SLC27A2: variants seen among roughly 807,000 people sequenced by gnomAD.
SLC27A2 encodes the protein long-chain fatty acid transport protein 2.
A neutral mutation model predicts 60.0 loss-of-function variants in SLC27A2; 54 were observed. The observed-to-expected ratio is 0.90, with a 90% CI of 0.72 to 1.13. SLC27A2 has a LOEUF of 1.13. Among genes scored for constraint, SLC27A2 ranks in the 50% most tolerant of loss-of-function variants. The probability of loss-of-function intolerance (pLI) is 0.00; values close to 1 mark genes in which losing one functional copy is unlikely to be tolerated. For synonymous variants in SLC27A2, 297 were observed against 297.6 expected, an observed-to-expected ratio of 1.00 and a Z score of 0.02; for missense variants, 739 against 777.6, an observed-to-expected ratio of 0.95 and a Z score of 0.59.
At position 50,182,461 on chromosome 15, in the gene SLC27A2, C is replaced by T. The variant is rs151078854; in HGVS notation, c.34C>T (p.Leu12=). 3.7e-6 allele frequency: 6 copies of T among 1,606,802 alleles called. No homozygotes were observed. The African/African-American group carries it at 6.7e-5, about 18-fold the overall frequency. The part of the protein sequence containing the change: ...LSAIYTVLAG[L]LFLPLLVNLC... ...CGCCATCTACACAGTCCTGGCGGGA[C>T]TGCTGTTCCTGCCGCTCCTGGTGAA... The change falls in exon 1 of 10, where the codon CTG becomes TTG. Residue 12 remains leucine (L), a synonymous_variant. Coordinates refer to ENST00000267842, the MANE Select transcript of SLC27A2 (RefSeq NM_003645.4).
At chr15:50,200,525 C>T (rs2140901317) in intron 2 of SLC27A2, among the ~76,000 whole-genome samples, 1 of 152,206 alleles carries the variant, frequency 6.6e-6, no homozygotes, top group East Asian at 1.9e-4. Flanking sequence ...GGTTGCTAGC[C>T]ATATTTGTCT....
At chr15:50,226,164 G>A (rs2045277184) in intron 6 of SLC27A2, 86 bp downstream of exon 6, 2 of 814,102 alleles carry the variant, frequency 2.5e-6, no homozygotes, top group Admixed American at 2.0e-5. Context: ...ATTGCCACAT[G>A]GTAAAATTTA....
intron 7 of SLC27A2, 39 bp from the exon 8 acceptor site, chr15:50,228,903 GAAA>G: frequency 2.1e-6 from 3 of 1,399,152 alleles, no homozygotes; most frequent in Admixed American, 1.7e-5. Flanking sequence ...ACCTGGGCCA[GAAA>G]CCACCAGTGA....
At position 50,182,476 on chromosome 15, in the gene SLC27A2, C is replaced by T. The variant is rs1279040322; in HGVS notation, c.49C>T (p.Leu17Phe). Residue 17 changes from leucine to phenylalanine, a missense_variant, in exon 1 of 10, where the codon CTC becomes TTC. By Grantham distance (22) the Leu-to-Phe change is conservative (BLOSUM62 0). Transcript: ENST00000267842. ...TVLAGLLFLP[L>F]LVNLCCPYFF... ...CCTGGCGGGACTGCTGTTCCTGCCG[C>T]TCCTGGTGAACCTCTGCTGCCCATA... is the stretch of plus-strand genomic sequence containing the variant. 6.2e-7 allele frequency: 1 copy of T among 1,610,164 alleles called. No individual in the cohort carries two copies. Among genetic ancestry groups the T allele is most frequent in the South Asian group, 1.1e-5 (1 of 90,282 alleles).
intron 8 of SLC27A2, among the ~76,000 whole-genome samples, chr15:50,230,797 C>T (rs2045311890): frequency 6.6e-6 from 1 of 152,166 alleles, no homozygotes; most frequent in African/African-American, 2.4e-5. Context: ...CATCTAAATG[C>T]TTGATTTTAA....
At chr15:50,183,658 C>CTGT (rs1007452112) in intron 1 of SLC27A2, among the ~76,000 whole-genome samples, 4 of 152,284 alleles carry the variant, frequency 2.6e-5, no homozygotes, top group African/African-American at 9.6e-5. Flanking sequence ...GACAGAGAAC[C>CTGT]TGTTACTCAC....
intron 4 of SLC27A2, among the ~76,000 whole-genome samples, chr15:50,219,855 G>C (rs2045230741): frequency 6.6e-6 from 1 of 152,030 alleles, no homozygotes; most frequent in South Asian, 2.1e-4. Flanking sequence ...TTTCACCTTA[G>C]CTCTAATGTG....
intron 1 of SLC27A2, among the ~76,000 whole-genome samples, chr15:50,187,515 ACTGGGTAGATAACCCAGGTCTC>A (rs1182569154): frequency 6.6e-6 from 1 of 152,182 alleles, no homozygotes; most frequent in Non-Finnish European, 1.5e-5. Context: ...TAGCTCTTCC[ACTGGGTAGATAACCCAGGTCTC>A]CTGAGGGTCC....
rs1490531063 is a variant in SLC27A2 at position 50,206,355 on chromosome 15, C to T, written c.972+992C>T. ...CTCACCAGATTCTAATCCCTTTCAC[C>T]AGATTCTAGTTCCTTTATTCAGTCA... On this transcript the variant is annotated intron_variant, in intron 4 of 9. Transcript: ENST00000267842. Among the ~76,000 whole-genome samples the T allele has an allele frequency of 2.6e-5, 4 of 152,270 alleles. No individual in the cohort carries two copies. The East Asian group carries it at 7.7e-4, about 29-fold the overall frequency.
intron 4 of SLC27A2, among the ~76,000 whole-genome samples, chr15:50,205,845 C>G (rs1262586857): frequency 6.6e-6 from 1 of 152,138 alleles, no homozygotes; most frequent in Non-Finnish European, 1.5e-5. Flanking sequence ...CACATCTTGT[C>G]TCCTTGTTTT....
At chr15:50,188,829 G>T (rs895150266) in intron 1 of SLC27A2, among the ~76,000 whole-genome samples, 1 of 152,064 alleles carries the variant, frequency 6.6e-6, no homozygotes, top group Non-Finnish European at 1.5e-5. Flanking sequence ...GCATGGTGGC[G>T]GGCATCCGTA....
At chr15:50,185,805 A>G (rs887814951) in intron 1 of SLC27A2, among the ~76,000 whole-genome samples, 12 of 151,388 alleles carry the variant, frequency 7.9e-5, no homozygotes, top group African/African-American at 2.9e-4. Flanking sequence ...AATTTTTTGT[A>G]TTTTTAGTAG....
chr15:50,218,225 C>G (rs1171750703), intron 4 of SLC27A2, among the ~76,000 whole-genome samples: 1 of 151,696 alleles, frequency 6.6e-6, no homozygotes, highest in Non-Finnish European at 1.5e-5. Context: ...GTTTAAAAAT[C>G]TTTAATTCAT....
intron 1 of SLC27A2, among the ~76,000 whole-genome samples, chr15:50,195,776 A>G (rs2045009807): frequency 6.6e-6 from 1 of 151,466 alleles, no homozygotes. Context: ...CCAAGGTAAT[A>G]CCCTGGGACA....
intron 1 of SLC27A2, among the ~76,000 whole-genome samples, chr15:50,184,261 G>C (rs963946510): frequency 1.3e-5 from 2 of 151,824 alleles, no homozygotes; most frequent in Non-Finnish European, 2.9e-5. Flanking sequence ...GCAAAGTGCT[G>C]GGATTACAGG....
At chr15:50,223,317 T>C (rs1045199767) in intron 5 of SLC27A2, among the ~76,000 whole-genome samples, 158 bp downstream of exon 5, 4 of 152,230 alleles carry the variant, frequency 2.6e-5, no homozygotes, top group African/African-American at 9.6e-5. Flanking sequence ...TCTGTGATGA[T>C]GACTTCAAAA....
chr15:50,234,326 G>A (rs1441681296), intron 9 of SLC27A2, among the ~76,000 whole-genome samples: 13 of 152,184 alleles, frequency 8.5e-5, no homozygotes, highest in African/African-American at 3.1e-4. Flanking sequence ...GGTGGCTCAC[G>A]CCTATAATCC....
chr15:50,199,077 C>T (rs938893736), intron 2 of SLC27A2, among the ~76,000 whole-genome samples: 3 of 151,600 alleles, frequency 2.0e-5, no homozygotes, highest in Non-Finnish European at 2.9e-5. Context: ...GGTGAGATGG[C>T]ACAATTAACC....
At chr15:50,196,106 ATATATATATATATATATATG>A (rs2045020479) in intron 1 of SLC27A2, among the ~76,000 whole-genome samples, 1 of 97,328 alleles carries the variant, frequency 1.0e-5, no homozygotes, top group African/African-American at 3.9e-5. Flanking sequence ...ATATATATAT[ATATATATATATATATATATG>A]TATGTACATT....
Sources: allele counts gnomAD v4.1 joint callset (sites outside exome capture counted in the v4.1 genomes callset), GRCh38; gene constraint gnomAD v4.1.1; transcripts MANE v1.5; gene names NCBI Gene and HGNC (gene_info 2026-07-23, HGNC 2026-07-21).